The following TASOR2 variants were observed in gnomAD, a reference collection of about 807,000 sequenced individuals.
TASOR2 encodes protein TASOR 2.
A neutral mutation model predicts 199.5 loss-of-function variants in TASOR2; 84 were observed. The observed-to-expected ratio is 0.42, with a 90% CI of 0.35 to 0.50. The LOEUF is 0.50. Ranked by LOEUF, TASOR2 falls within the 20% of genes least tolerant of loss-of-function variation. The probability of loss-of-function intolerance (pLI) is 0.02; values close to 1 mark genes in which losing one functional copy is unlikely to be tolerated. For synonymous variants in TASOR2, 1,103 were observed against 1,046.6 expected, an observed-to-expected ratio of 1.05 and a Z score of -1.04; for missense variants, 2,796 against 2,835.9, an observed-to-expected ratio of 0.99 and a Z score of 0.32.
exon 16 of TASOR2, chr10:5,756,646 G>A (rs1838993137): frequency 2.5e-6 from 4 of 1,613,158 alleles, no homozygotes; most frequent in African/African-American, 1.3e-5. Flanking sequence ...TACAGAAATT[G>A]AACCTCAGCA....
At chr10:5,709,488 A>G (rs1831640371) in intron 1 of TASOR2, 2 of 1,175,478 alleles carry the variant, frequency 1.7e-6, no homozygotes, top group Non-Finnish European at 2.1e-6. Flanking sequence ...TGCTATAAAT[A>G]GAATTGTTCA....
At position 5,696,780 on chromosome 10, in the gene TASOR2, A is replaced by C. The variant is rs576654801; in HGVS notation, c.-288+11605A>C. On this transcript the variant is annotated intron_variant, in intron 1 of 20. Coordinates refer to ENST00000328090, the Ensembl canonical transcript of TASOR2. ...AATAAAAGGAGCTGAGTATAAATAG[A>C]TTTACTTCAGGGAACAGAAGAAACT... Among the ~76,000 whole-genome samples the C allele has an allele frequency of 3.5e-4, 54 of 152,282 alleles. No individual in the cohort carries two copies. The South Asian group carries it at 6.8e-3, about 19-fold the overall frequency.
At chr10:5,729,339 C>CTCT (rs72507173) in intron 10 of TASOR2, among the ~76,000 whole-genome samples, 2 of 76 alleles carry the variant, frequency 0.026, no homozygotes, top group African/African-American at 0.056. Context: ...CAGAGCAAGA[C>CTCT]TGAGTTAAAA....
chr10:5,685,571 G>C lies in TASOR2; in HGVS notation c.-288+396G>C. 6.6e-6 allele frequency among the ~76,000 whole-genome samples: 1 copy of C among 152,202 alleles called. No homozygotes were observed. The highest frequency in any genetic ancestry group is 1.9e-4 in the East Asian group (1 of 5,200). ...TTCCTGCGGGTTCTGCGTGAAGCCTGCTGCTACTCGAGACTTCATGGCAAT... is the reference window on the plus strand; with the variant it reads ...TTCCTGCGGGTTCTGCGTGAAGCCTCCTGCTACTCGAGACTTCATGGCAAT... On this transcript the variant is annotated intron_variant, in intron 1 of 20. Coordinates refer to ENST00000328090, the Ensembl canonical transcript of TASOR2. The surrounding 1 kb of genome is among the most constrained non-coding windows in gnomAD (Gnocchi z 5.4).
intron 11 of TASOR2, among the ~76,000 whole-genome samples, chr10:5,731,551 C>T (rs192389203): frequency 3.9e-5 from 6 of 152,288 alleles, no homozygotes; most frequent in East Asian, 3.9e-4. Flanking sequence ...TTGTTGTATT[C>T]GATCCCTCTG....
chr10:5,740,504 A>G lies in TASOR2; in HGVS notation c.2327+7A>G. 3 of 1,603,366 alleles carry G rather than the reference A, an allele frequency of 1.9e-6. No individual in the cohort carries two copies. The highest frequency in any genetic ancestry group is 2.6e-6 in the Non-Finnish European group (3 of 1,176,018). On this transcript the variant is annotated splice_region_variant and intron_variant, in intron 13 of 20. Coordinates refer to ENST00000328090, the Ensembl canonical transcript of TASOR2. This position sits in a 1 kb window ranked among gnomAD's most constrained non-coding sequence, Gnocchi z 5.3. ...TAGTAAGAGCATTACATGGGTGAGT[A>G]TGAGTGAAACTTAGTGAAAATGGAT...
chr10:5,697,842 A>G (rs1191310789), intron 1 of TASOR2, among the ~76,000 whole-genome samples: 5 of 152,192 alleles, frequency 3.3e-5, no homozygotes, highest in Non-Finnish European at 5.9e-5. Flanking sequence ...TATGTACAGC[A>G]TCCATACAGT....
chr10:5,732,007 AC>A (rs1834883694), intron 11 of TASOR2, among the ~76,000 whole-genome samples: 2 of 152,200 alleles, frequency 1.3e-5, no homozygotes, highest in South Asian at 4.1e-4. Context: ...TTACGTGAGC[AC>A]CTGGATTATT....
intron 13 of TASOR2, among the ~76,000 whole-genome samples, 174 bp from the exon 15 acceptor site, chr10:5,741,923 T>C (rs987330627): frequency 6.6e-5 from 10 of 152,212 alleles, no homozygotes; most frequent in Non-Finnish European, 1.0e-4. Flanking sequence ...GTGGGTTAGA[T>C]GGATAATTAT....
At chr10:5,758,764 G>A in intron 17 of TASOR2, 123 bp from the exon 19 acceptor site, 1 of 681,472 alleles carries the variant, frequency 1.5e-6, no homozygotes, top group Non-Finnish European at 2.5e-6. Context: ...GTGATGGTGT[G>A]TACTCAACCA....
Position 5,754,608 on chromosome 10 carries a change from T to G in TASOR2, c.6607-2005T>G, listed in dbSNP as rs1358945860. ...TTTCACCATGTTGGCCAGGCTGGTC[T>G]CGAACTCCATAGCAGGAGTTCTTCT... is the stretch of plus-strand genomic sequence containing the variant. On this transcript the variant is annotated intron_variant, in intron 15 of 20. Coordinates refer to ENST00000328090, the Ensembl canonical transcript of TASOR2. The surrounding 1 kb of genome is among the most constrained non-coding windows in gnomAD (Gnocchi z 4.3). Among the ~76,000 whole-genome samples, 1 of 152,126 alleles carries G rather than the reference T, an allele frequency of 6.6e-6. No individual in the cohort carries two copies. The highest frequency in any genetic ancestry group is 1.9e-4 in the East Asian group (1 of 5,174).
At chr10:5,727,105 C>A in exon 10 of TASOR2, 2 of 1,614,056 alleles carry the variant, frequency 1.2e-6, no homozygotes, top group African/African-American at 1.3e-5. Context: ...ACATTTATTT[C>A]GTTCACCCCT....
chr10:5,753,707 T>C (rs932784347), intron 15 of TASOR2, among the ~76,000 whole-genome samples: 1 of 152,148 alleles, frequency 6.6e-6, no homozygotes, highest in East Asian at 1.9e-4. Context: ...GGTTTTATAT[T>C]CCCTCTGTTG....
At chr10:5,709,797 T>C (rs1438766314) in intron 1 of TASOR2, 9 of 786,942 alleles carry the variant, frequency 1.1e-5, no homozygotes, top group Non-Finnish European at 1.4e-5. Context: ...TACCTATATT[T>C]TTTAAAATAA....
chr10:5,733,695 T>C (rs185192264), intron 11 of TASOR2, among the ~76,000 whole-genome samples: 1 of 152,374 alleles, frequency 6.6e-6, no homozygotes, highest in African/African-American at 2.4e-5. Context: ...CCTTTTCTGT[T>C]TGTACAAATA....
At chr10:5,734,716 ATTTTTTTTTTTT>A (rs140600979) in intron 11 of TASOR2, among the ~76,000 whole-genome samples, 3 of 54,196 alleles carry the variant, frequency 5.5e-5, no homozygotes, top group East Asian at 1.3e-3. Context: ...GGTTATGAAG[ATTTTTTTTTTTT>A]TTTTTTTTTT....
chr10:5,755,157 A>G (rs1838743271), intron 15 of TASOR2, among the ~76,000 whole-genome samples: 1 of 152,196 alleles, frequency 6.6e-6, no homozygotes, highest in Non-Finnish European at 1.5e-5. Flanking sequence ...AGTCAAATAA[A>G]TGAAGACTAG....
At chr10:5,714,164 T>C in intron 2 of TASOR2, 1 of 1,231,888 alleles carries the variant, frequency 8.1e-7, no homozygotes, top group East Asian at 3.2e-5. Context: ...GTGGACTCCG[T>C]GTTGGCAGCA....
rs767425462 is a variant in TASOR2 at position 5,758,871 on chromosome 10, A to C, written c.6887-16A>C. ...TAAACTTGTCATCTTCTTTTGCTAC[A>C]TTTATTGTTTTGTAGTTCAACTGAA... On this transcript the variant is annotated splice_polypyrimidine_tract_variant and intron_variant, in intron 17 of 20. Coordinates refer to ENST00000328090, the Ensembl canonical transcript of TASOR2. 1.3e-6 allele frequency: 2 copies of C among 1,569,064 alleles called. No individual in the cohort carries two copies. Among genetic ancestry groups the C allele is most frequent in the Non-Finnish European group, 1.8e-6 (2 of 1,139,688 alleles).
Sources: gnomAD v4.1 joint callset for allele counts (sites outside exome capture counted in the v4.1 genomes callset) on GRCh38, gnomAD v4.1.1 for gene constraint, Gnocchi (gnomAD v3.1) non-coding constraint, MANE v1.5 for transcripts, NCBI Gene and HGNC (gene_info 2026-07-23, HGNC 2026-07-21) for gene names.